KCNIP4: variants seen among roughly 807,000 people sequenced by gnomAD.
KCNIP4 encodes potassium voltage-gated channel interacting protein 4, also known as Kv channel-interacting protein 4.
Under a neutral mutation model 34.0 loss-of-function variants are expected in KCNIP4, and 12 were observed. That is an observed-to-expected ratio of 0.35 (90% CI 0.23 to 0.57). The LOEUF is 0.57. Among genes scored for constraint, KCNIP4 ranks in the 20% least tolerant of loss-of-function variants. The pLI is 0.83. For synonymous variants in KCNIP4, 124 were observed against 102.2 expected (o/e 1.21, Z -1.29); for missense variants, 238 against 311.7 (o/e 0.76, Z 1.78).
At chr4:21,393,634 A>C (rs2109524043) in intron 1 of KCNIP4, among the ~76,000 whole-genome samples, 1 of 152,298 alleles carries the variant, frequency 6.6e-6, no homozygotes, top group South Asian at 2.1e-4. Context: ...AACTGACATA[A>C]ACCCTGAAAA....
At chr4:21,195,071 C>T (rs1755959377) in intron 1 of KCNIP4, among the ~76,000 whole-genome samples, 1 of 152,118 alleles carries the variant, frequency 6.6e-6, no homozygotes, top group African/African-American at 2.4e-5. Context: ...GTCATTTCTC[C>T]TCTATATTCT....
intron 1 of KCNIP4, among the ~76,000 whole-genome samples, chr4:21,335,075 G>A (rs1716043575): frequency 6.6e-6 from 1 of 151,996 alleles, no homozygotes; most frequent in African/African-American, 2.4e-5. Flanking sequence ...AGACCCCAGT[G>A]CAACTTGTTG....
intron 1 of KCNIP4, among the ~76,000 whole-genome samples, chr4:21,316,911 C>G (rs1578068761): frequency 6.6e-6 from 1 of 152,148 alleles, no homozygotes; most frequent in African/African-American, 2.4e-5. Flanking sequence ...AATTATTAAA[C>G]CAAGTTTACA....
intron 1 of KCNIP4, among the ~76,000 whole-genome samples, chr4:21,923,617 G>A (rs1729065345): frequency 6.6e-6 from 1 of 151,880 alleles, no homozygotes; most frequent in Non-Finnish European, 1.5e-5. Context: ...TTTCCTTCTT[G>A]CTTCTAATAT....
At chr4:21,389,545 A>T (rs1372590037) in intron 1 of KCNIP4, among the ~76,000 whole-genome samples, 1 of 144,832 alleles carries the variant, frequency 6.9e-6, no homozygotes, top group African/African-American at 2.6e-5. Flanking sequence ...GAGTGAGAAC[A>T]TGCGGTGTTT....
At chr4:21,334,913 C>T (rs999249544) in intron 1 of KCNIP4, among the ~76,000 whole-genome samples, 11 of 152,246 alleles carry the variant, frequency 7.2e-5, no homozygotes, top group Non-Finnish European at 1.0e-4. Flanking sequence ...AGTTGACAGA[C>T]TCTGGAGTTG....
At chr4:21,289,310 T>C (rs1763298672) in intron 1 of KCNIP4, among the ~76,000 whole-genome samples, 1 of 152,202 alleles carries the variant, frequency 6.6e-6, no homozygotes, top group Non-Finnish European at 1.5e-5. Flanking sequence ...CTAACTCCAC[T>C]CTTTTAGTTG....
intron 1 of KCNIP4, among the ~76,000 whole-genome samples, chr4:21,362,491 T>G (rs970172875): frequency 1.3e-5 from 2 of 152,174 alleles, no homozygotes; most frequent in African/African-American, 2.4e-5. Flanking sequence ...TTGAATTATG[T>G]TTCTTCCAGT....
At position 21,025,009 on chromosome 4, in the gene KCNIP4, C is replaced by T. The variant is rs552566902; in HGVS notation, c.62-142300G>A. On this transcript the variant is annotated intron_variant, in intron 1 of 8. Coordinates refer to ENST00000382152, the MANE Select transcript of KCNIP4 (RefSeq NM_025221.6). ...TAAATATGTAGAGCTTATTGAACTA[C>T]ATTAAAATAGAATGAGGCTGTGAGA... Among the ~76,000 whole-genome samples, 3 of 152,144 alleles carry T rather than the reference C, an allele frequency of 2.0e-5. No homozygotes were observed. In the South Asian group the frequency reaches 6.2e-4, roughly 32 times the overall value.
intron 3 of KCNIP4, among the ~76,000 whole-genome samples, chr4:20,786,861 T>C (rs1408067055): frequency 3.9e-5 from 6 of 152,138 alleles, no homozygotes; most frequent in Non-Finnish European, 7.4e-5. Context: ...ATCAATGATA[T>C]AGCCTTGAAC....
intron 1 of KCNIP4, among the ~76,000 whole-genome samples, chr4:21,578,697 C>T (rs1383626481): frequency 6.6e-6 from 1 of 152,046 alleles, no homozygotes; most frequent in African/African-American, 2.4e-5. Context: ...GAGTATAATG[C>T]TAGTATTTAA....
intron 1 of KCNIP4, among the ~76,000 whole-genome samples, chr4:21,030,735 G>C (rs1740954056): frequency 6.6e-6 from 1 of 152,160 alleles, no homozygotes; most frequent in Non-Finnish European, 1.5e-5. Flanking sequence ...ACCAGACTTT[G>C]AGAAAAATCT....
intron 1 of KCNIP4, among the ~76,000 whole-genome samples, chr4:21,884,715 G>T (rs1726660300): frequency 6.6e-6 from 1 of 152,052 alleles, no homozygotes; most frequent in Admixed American, 6.6e-5. Flanking sequence ...TGTTGCTAGG[G>T]CCAACCAGAA....
At chr4:20,986,336 C>T (rs1736575806) in intron 1 of KCNIP4, among the ~76,000 whole-genome samples, 1 of 152,226 alleles carries the variant, frequency 6.6e-6, no homozygotes, top group African/African-American at 2.4e-5. Context: ...ATCCACCTGC[C>T]CAATCACCCA....
At chr4:21,757,597 A>T (rs527762172) in intron 1 of KCNIP4, among the ~76,000 whole-genome samples, 3 of 152,302 alleles carry the variant, frequency 2.0e-5, no homozygotes, top group Admixed American at 2.0e-4. Context: ...TTACAGATTG[A>T]GCCAGAGACT....
chr4:21,038,546 G>A (rs1741665734), intron 1 of KCNIP4, among the ~76,000 whole-genome samples: 1 of 152,044 alleles, frequency 6.6e-6, no homozygotes, highest in Non-Finnish European at 1.5e-5. Context: ...TTCCCCTTTG[G>A]TTGAAGGAGG....
At chr4:20,780,499 G>A (rs1451159966) in intron 3 of KCNIP4, among the ~76,000 whole-genome samples, 1 of 152,166 alleles carries the variant, frequency 6.6e-6, no homozygotes, top group Non-Finnish European at 1.5e-5. Flanking sequence ...AATAACATGA[G>A]ACGCCCTGAT....
At chr4:21,444,816 G>C (rs1161098396) in intron 1 of KCNIP4, among the ~76,000 whole-genome samples, 1 of 152,128 alleles carries the variant, frequency 6.6e-6, no homozygotes, top group Non-Finnish European at 1.5e-5. Context: ...CATTCAATTA[G>C]GAAAAGAGGA....
At chr4:21,519,468 A>ATATGTATGTGTATATATACACATATG (rs1735144708) in intron 1 of KCNIP4, among the ~76,000 whole-genome samples, 1 of 98,848 alleles carries the variant, frequency 1.0e-5, no homozygotes, top group African/African-American at 4.4e-5. Flanking sequence ...ATATGTGTGT[A>ATATGTATGTGTATATATACACATATG]TGTGTATGTG....
Sources: gnomAD v4.1 joint callset for allele counts (sites outside exome capture counted in the v4.1 genomes callset) on GRCh38, gnomAD v4.1.1 for gene constraint, MANE v1.5 for transcripts, NCBI Gene and HGNC (gene_info 2026-07-23, HGNC 2026-07-21) for gene names.